KIF1B: variants seen among roughly 807,000 people sequenced by gnomAD.
KIF1B encodes the protein kinesin-like protein KIF1B.
In KIF1B, 76 loss-of-function variants were observed where a neutral mutation model predicts 241.9. That is an observed-to-expected ratio of 0.31 (90% CI 0.26 to 0.38). KIF1B has a LOEUF of 0.38. Ranked by LOEUF, KIF1B falls within the 10% of genes least tolerant of loss-of-function variation. KIF1B has a pLI of 1.00. For synonymous variants in KIF1B, 750 were observed against 796.7 expected (o/e 0.94, Z 0.99); for missense variants, 1,622 against 2,271.4 (o/e 0.71, Z 5.81).
intron 47 of KIF1B, 60 bp downstream of exon 47, chr1:10,375,106 G>A: frequency 6.4e-7 from 1 of 1,572,122 alleles, no homozygotes; most frequent in Non-Finnish European, 8.8e-7. Flanking sequence ...TTTGATTTCT[G>A]CACTCTCTGT....
At position 10,337,631 on chromosome 1, in the gene KIF1B, T is replaced by G. The variant is rs1325646974; in HGVS notation, c.3422+98T>G. 7.6e-7 allele frequency: 1 copy of G among 1,319,436 alleles called. No individual in the cohort carries two copies. The highest frequency in any genetic ancestry group is 1.4e-5 in the African/African-American group (1 of 68,970). 81.7% of individuals were successfully genotyped at this position (1,319,436 alleles called of 1,614,324 possible). A position where few individuals can be genotyped will look rare whatever the true frequency, so the allele number is the denominator to read the frequency against. On this transcript the variant is annotated intron_variant, in intron 31 of 48. Transcript: ENST00000676179. This position sits in a 1 kb window ranked among gnomAD's most constrained non-coding sequence, Gnocchi z 4.0. The stretch of plus-strand genomic sequence containing the variant: ...CTTTACATGTGTGAGGGATTAACAC[T>G]CTTGAGACAAAGACTGATCAGTCTC...
chr1:10,288,963 T>C (rs1359447809), intron 15 of KIF1B, among the ~76,000 whole-genome samples: 1 of 152,150 alleles, frequency 6.6e-6, no homozygotes, highest in Non-Finnish European at 1.5e-5. Flanking sequence ...TGTGTAGATA[T>C]TTACGTTTTG....
chr1:10,308,083 C>T, intron 22 of KIF1B: 1 of 1,059,304 alleles, frequency 9.4e-7, no homozygotes. Context: ...GGCTGTTTTA[C>T]TACCGGAAGT....
At chr1:10,309,868 T>C (rs184946635) in intron 22 of KIF1B, among the ~76,000 whole-genome samples, 13 of 151,628 alleles carry the variant, frequency 8.6e-5, no homozygotes, top group Admixed American at 7.9e-4. Flanking sequence ...CTTAACACTG[T>C]CACTCTCACA....
intron 15 of KIF1B, 28 bp downstream of exon 15, chr1:10,282,561 G>GGTATATATAGCTT (rs1270614102): frequency 6.4e-7 from 1 of 1,555,738 alleles, no homozygotes; most frequent in Admixed American, 1.7e-5. Context: ...CTGAATACAA[G>GGTATATATAGCTT]GTATTCTATG....
rs561745452 is a variant in KIF1B at position 10,317,354 on chromosome 1, G to A, written c.2116-2689G>A. Among the ~76,000 whole-genome samples the A allele has an allele frequency of 5.7e-3, 859 of 151,442 alleles. 10 individuals carry two copies. The highest frequency in any genetic ancestry group is 0.011 in the Admixed American group (169 of 15,264). On this transcript the variant is annotated intron_variant, in intron 22 of 48. Coordinates refer to ENST00000676179, the MANE Select transcript of KIF1B (RefSeq NM_001365951.3). ...CCTGTGTCCTTTTGAAATGGCCCCA[G>A]TGGTGTTTGAGTTCTTCCATCCTTT...
intron 1 of KIF1B, among the ~76,000 whole-genome samples, chr1:10,223,200 C>T (rs887468558): frequency 2.0e-5 from 3 of 152,060 alleles, no homozygotes; most frequent in Admixed American, 6.5e-5. Flanking sequence ...TGCAGTAAAC[C>T]GAGATGGCTA....
intron 17 of KIF1B, among the ~76,000 whole-genome samples, chr1:10,294,356 AATT>A (rs1206407071): frequency 5.3e-5 from 8 of 152,226 alleles, no homozygotes; most frequent in Non-Finnish European, 1.0e-4. Context: ...GGTAAAGACA[AATT>A]AATAACTGGG....
At chr1:10,375,402 T>C (rs1638854487) in intron 48 of KIF1B, 29 bp downstream of exon 48, 1 of 1,576,358 alleles carries the variant, frequency 6.3e-7, no homozygotes, top group East Asian at 2.2e-5. Context: ...GTTGTTGTTG[T>C]TTTTGAGACG....
intron 1 of KIF1B, among the ~76,000 whole-genome samples, chr1:10,229,280 A>C (rs1388926097): frequency 3.3e-5 from 5 of 152,232 alleles, no homozygotes; most frequent in African/African-American, 9.6e-5. Flanking sequence ...GCAAATAGAA[A>C]AAGATTAATA....
chr1:10,215,157 TATATATATATATATA>T (rs1646747684), intron 1 of KIF1B, among the ~76,000 whole-genome samples: 3 of 68,420 alleles, frequency 4.4e-5, no homozygotes, highest in South Asian at 4.2e-4. Flanking sequence ...TATATATATA[TATATATATATATATA>T]TTTTTTTTTT....
At position 10,258,676 on chromosome 1, in the gene KIF1B, AAAAAC is replaced by A. The variant is rs754484034; in HGVS notation, c.363+19_363+23del. ...CCAGGCTGGCATCATTCCACAGGTG[AAAAAC>A]AAAACAAAACAAAAATCTTCTCTTC... is the stretch of plus-strand genomic sequence containing the variant. On this transcript the variant is annotated splice_donor_5th_base_variant and intron_variant, in intron 4 of 48. Coordinates refer to ENST00000676179, the MANE Select transcript of KIF1B (RefSeq NM_001365951.3). 12 of 1,613,866 alleles carry A rather than the reference AAAAAC, an allele frequency of 7.4e-6. No homozygotes were observed. The highest frequency in any genetic ancestry group is 1.1e-5 in the South Asian group (1 of 91,088).
intron 1 of KIF1B, among the ~76,000 whole-genome samples, chr1:10,229,671 A>G (rs1476479196): frequency 2.6e-5 from 4 of 151,136 alleles, no homozygotes; most frequent in African/African-American, 7.3e-5. Flanking sequence ...CCTGGCTAAC[A>G]TGGTGAAACC....
intron 22 of KIF1B, among the ~76,000 whole-genome samples, chr1:10,314,667 G>A (rs1286070444): frequency 2.0e-5 from 3 of 151,480 alleles, no homozygotes; most frequent in Admixed American, 6.6e-5. Context: ...TGATCCACCC[G>A]CCTCTGCCTC....
Position 10,361,644 on chromosome 1 carries a change from A to G in KIF1B, c.4171-48A>G, listed in dbSNP as rs752485337. On this transcript the variant is annotated intron_variant, in intron 39 of 48. Coordinates refer to ENST00000676179, the MANE Select transcript of KIF1B (RefSeq NM_001365951.3). ...ATACGTTCGTGTATAGACTCTAGTC[A>G]CAGTACTCTGCCTGCACTTCATCAG... 8.7e-6 allele frequency: 14 copies of G among 1,609,974 alleles called. No homozygotes were observed. In the African/African-American group the frequency reaches 1.7e-4, roughly 20 times the overall value.
intron 27 of KIF1B, among the ~76,000 whole-genome samples, chr1:10,331,535 C>G (rs1651921347): frequency 6.6e-6 from 1 of 152,114 alleles, no homozygotes. Flanking sequence ...CATTTATGCT[C>G]TAGTTATGTT....
At chr1:10,342,655 A>ATT (rs1652443255) in intron 33 of KIF1B, among the ~76,000 whole-genome samples, 1 of 152,134 alleles carries the variant, frequency 6.6e-6, no homozygotes, top group South Asian at 2.1e-4. Context: ...ACTATCTAGG[A>ATT]TTATCTCTAT....
At chr1:10,222,085 TA>T (rs1399359081) in intron 1 of KIF1B, among the ~76,000 whole-genome samples, 1 of 152,086 alleles carries the variant, frequency 6.6e-6, no homozygotes, top group Non-Finnish European at 1.5e-5. Context: ...GACTGCAACA[TA>T]GGGGCAGAAT....
intron 22 of KIF1B, among the ~76,000 whole-genome samples, chr1:10,317,913 T>C (rs1195751690): frequency 2.0e-5 from 3 of 151,410 alleles, no homozygotes; most frequent in Non-Finnish European, 4.4e-5. Flanking sequence ...GGTTCATCTC[T>C]TGGTCCTTCC....
Sources: gnomAD v4.1 joint callset for allele counts (sites outside exome capture counted in the v4.1 genomes callset) on GRCh38, gnomAD v4.1.1 for gene constraint, Gnocchi (gnomAD v3.1) non-coding constraint, MANE v1.5 for transcripts, NCBI Gene and HGNC (gene_info 2026-07-23, HGNC 2026-07-21) for gene names.